The following C8orf34 variants were observed in gnomAD, a reference collection of about 807,000 sequenced individuals.
C8orf34 encodes the protein uncharacterized protein C8orf34.
C8orf34 carries 65 observed loss-of-function variants against 68.3 expected under a neutral mutation model. The observed-to-expected ratio is 0.95, with a 90% CI of 0.78 to 1.17. C8orf34 has a LOEUF of 1.17. Ranked by LOEUF, C8orf34 falls within the 50% of genes most tolerant of loss-of-function variation. The probability of loss-of-function intolerance (pLI) is 0.00; values close to 1 mark genes in which losing one functional copy is unlikely to be tolerated. For synonymous variants in C8orf34, 244 were observed against 241.2 expected (o/e 1.01, Z -0.11); for missense variants, 664 against 655.4 (o/e 1.01, Z -0.14).
At chr8:68,724,164 T>G (rs1821760813) in intron 10 of C8orf34, among the ~76,000 whole-genome samples, 1 of 152,170 alleles carries the variant, frequency 6.6e-6, no homozygotes, top group Non-Finnish European at 1.5e-5. Context: ...AATGAAGATA[T>G]TTTAGATATA....
chr8:68,775,693 C>A (rs758842835), intron 10 of C8orf34, among the ~76,000 whole-genome samples: 1 of 152,104 alleles, frequency 6.6e-6, no homozygotes, highest in Non-Finnish European at 1.5e-5. Context: ...ATAGAATTTG[C>A]GACTTCTTTC....
intron 1 of C8orf34, among the ~76,000 whole-genome samples, chr8:68,372,172 T>G (rs1807588979): frequency 6.6e-6 from 1 of 152,132 alleles, no homozygotes; most frequent in Admixed American, 6.5e-5. Flanking sequence ...ACTTTATCAA[T>G]CAGGAGTCAG....
intron 13 of C8orf34, among the ~76,000 whole-genome samples, chr8:68,816,784 A>G (rs1399088456): frequency 6.6e-6 from 1 of 152,194 alleles, no homozygotes; most frequent in Non-Finnish European, 1.5e-5. Flanking sequence ...TACATTTTAT[A>G]ATAAAGCATG....
intron 5 of C8orf34, among the ~76,000 whole-genome samples, chr8:68,521,375 C>A (rs943478096): frequency 2.4e-4 from 36 of 152,118 alleles, no homozygotes; most frequent in Non-Finnish European, 5.1e-4. Flanking sequence ...GGCAATACAC[C>A]CTTCGAGCCC....
chr8:68,413,612 C>A (rs960240748), intron 1 of C8orf34, among the ~76,000 whole-genome samples: 2 of 152,172 alleles, frequency 1.3e-5, no homozygotes, highest in Non-Finnish European at 2.9e-5. Flanking sequence ...TGAATGGCAT[C>A]AACATCAGCC....
chr8:68,720,904 C>T (rs1821652409), intron 9 of C8orf34, among the ~76,000 whole-genome samples: 1 of 151,808 alleles, frequency 6.6e-6, no homozygotes, highest in African/African-American at 2.4e-5. Context: ...ATAATATGCG[C>T]CCCTCTCTGA....
chr8:68,679,750 G>A (rs1416833493), intron 8 of C8orf34, among the ~76,000 whole-genome samples: 1 of 152,106 alleles, frequency 6.6e-6, no homozygotes, highest in Non-Finnish European at 1.5e-5. Flanking sequence ...CAATGGAGCA[G>A]AATAGAGAAC....
At chr8:68,743,298 T>C (rs1033693962) in intron 10 of C8orf34, among the ~76,000 whole-genome samples, 2 of 152,240 alleles carry the variant, frequency 1.3e-5, no homozygotes, top group African/African-American at 2.4e-5. Context: ...TTTTCTCCTA[T>C]GTAATTGCTT....
intron 1 of C8orf34, among the ~76,000 whole-genome samples, chr8:68,357,879 C>T (rs926808665): frequency 2.0e-5 from 3 of 152,120 alleles, no homozygotes. Context: ...CTAATAGGCT[C>T]CTCCCCACTT....
chr8:68,498,716 A>G (rs2129632386), intron 5 of C8orf34, among the ~76,000 whole-genome samples: 1 of 152,350 alleles, frequency 6.6e-6, no homozygotes, highest in East Asian at 1.9e-4. Context: ...AAGTAAAAAT[A>G]TTATAATCCT....
chr8:68,525,900 G>T, intron 6 of C8orf34: 1 of 261,844 alleles, frequency 3.8e-6, no homozygotes, highest in Non-Finnish European at 7.4e-6. Flanking sequence ...ACATTCATGT[G>T]CACCATTGTG....
intron 5 of C8orf34, among the ~76,000 whole-genome samples, chr8:68,505,858 G>C (rs1266555515): frequency 1.3e-5 from 2 of 152,062 alleles, no homozygotes; most frequent in Non-Finnish European, 1.5e-5. Context: ...AACTGAACTA[G>C]TTGGAATTCA....
At chr8:68,715,826 G>A (rs1359224033) in intron 9 of C8orf34, among the ~76,000 whole-genome samples, 1 of 152,034 alleles carries the variant, frequency 6.6e-6, no homozygotes, top group African/African-American at 2.4e-5. Context: ...TATCTATCCA[G>A]ATGAAAAGAA....
chr8:68,331,815 T>C (rs1805620498), intron 1 of C8orf34, among the ~76,000 whole-genome samples: 1 of 124,592 alleles, frequency 8.0e-6, no homozygotes, highest in Non-Finnish European at 1.7e-5. Context: ...TTTTTTTTAA[T>C]GAGGGCGGTA....
chr8:68,522,004 A>C (rs1375894236), intron 6 of C8orf34, 33 bp downstream of exon 6: 1 of 1,570,416 alleles, frequency 6.4e-7, no homozygotes, highest in Admixed American at 1.8e-5. Flanking sequence ...ATTCTATATT[A>C]CTAGTCATTA....
chr8:68,549,158 T>A (rs1320759124), intron 7 of C8orf34, among the ~76,000 whole-genome samples: 2 of 151,154 alleles, frequency 1.3e-5, no homozygotes, highest in Non-Finnish European at 3.0e-5. Flanking sequence ...AAGGAGAGAG[T>A]CCTCATTAAA....
intron 10 of C8orf34, among the ~76,000 whole-genome samples, chr8:68,743,719 G>A (rs1260846970): frequency 6.6e-6 from 1 of 152,228 alleles, no homozygotes; most frequent in African/African-American, 2.4e-5. Context: ...CCCGCACCTG[G>A]CTCGGAGGGT....
intron 10 of C8orf34, among the ~76,000 whole-genome samples, chr8:68,745,805 T>A (rs1822470559): frequency 6.6e-6 from 1 of 152,078 alleles, no homozygotes; most frequent in South Asian, 2.1e-4. Context: ...AACACCCCAC[T>A]ATCAACATTA....
chr8:68,744,511 A>G (rs1267111110), intron 10 of C8orf34, among the ~76,000 whole-genome samples: 2 of 151,668 alleles, frequency 1.3e-5, no homozygotes, highest in African/African-American at 2.4e-5. Flanking sequence ...ATGTATAACT[A>G]GAATAACCAA....
Sources: allele counts gnomAD v4.1 joint callset (sites outside exome capture counted in the v4.1 genomes callset), GRCh38; gene constraint gnomAD v4.1.1; transcripts MANE v1.5; gene names NCBI Gene and HGNC (gene_info 2026-07-23, HGNC 2026-07-21).